FOXP1: variants seen among roughly 807,000 people sequenced by gnomAD.
FOXP1 encodes forkhead box P1.
A neutral mutation model predicts 98.2 loss-of-function variants in FOXP1; 15 were observed. That is an observed-to-expected ratio of 0.15 (90% CI 0.10 to 0.24). FOXP1 has a LOEUF of 0.24. FOXP1 is among the 10% of genes least tolerant of loss of function. The pLI is 1.00. For synonymous variants in FOXP1, 371 were observed against 314.5 expected, an observed-to-expected ratio of 1.18 and a Z score of -1.90; for missense variants, 633 against 848.5, an observed-to-expected ratio of 0.75 and a Z score of 3.15.
intron 6 of FOXP1, among the ~76,000 whole-genome samples, chr3:71,174,827 C>T (rs1327462871): frequency 2.1e-5 from 3 of 142,314 alleles, no homozygotes; most frequent in Admixed American, 7.2e-5. Context: ...CACACACACA[C>T]CCCAATATAC....
At chr3:71,404,879 C>A (rs917276350) in intron 3 of FOXP1, among the ~76,000 whole-genome samples, 1 of 152,152 alleles carries the variant, frequency 6.6e-6, no homozygotes, top group Non-Finnish European at 1.5e-5. Context: ...GGCAAGCAGC[C>A]TATAACTATT....
chr3:71,367,388 T>C (rs182650099), intron 3 of FOXP1, among the ~76,000 whole-genome samples: 5 of 152,346 alleles, frequency 3.3e-5, no homozygotes, highest in Admixed American at 2.0e-4. Flanking sequence ...TTCCCAGTAG[T>C]GTCAGAACAG....
intron 5 of FOXP1, among the ~76,000 whole-genome samples, chr3:71,225,027 C>T (rs767840397): frequency 1.3e-5 from 2 of 152,146 alleles, no homozygotes; most frequent in African/African-American, 2.4e-5. Context: ...TAAAACACAG[C>T]CACCTTCAAA....
rs551513895 is a variant in FOXP1, at chr3:71,452,003, A to G, written c.-168+41423T>C. Reference sequence around the variant, plus strand: ...CAAGAAAAAGAAACCTGCCTCTCTCATTTATGAAGACATGCATCTCCTGTG... The same window carrying G: ...CAAGAAAAAGAAACCTGCCTCTCTCGTTTATGAAGACATGCATCTCCTGTG... On this transcript the variant is annotated intron_variant, in intron 3 of 20. Coordinates refer to ENST00000649528, the MANE Select transcript of FOXP1 (RefSeq NM_001349338.3). Among the ~76,000 whole-genome samples, 22 of 152,280 alleles carry G rather than the reference A, an allele frequency of 1.4e-4. 1 individual carries two copies. Among genetic ancestry groups the G allele is most frequent in the African/African-American group, 5.1e-4 (21 of 41,560 alleles).
chr3:71,217,295 A>T (rs1173753481), intron 5 of FOXP1, among the ~76,000 whole-genome samples: 1 of 151,616 alleles, frequency 6.6e-6, no homozygotes, highest in Non-Finnish European at 1.5e-5. Flanking sequence ...TTGGTCTGGA[A>T]CTCCTAACCT....
chr3:71,303,755 G>A (rs1295239088), intron 4 of FOXP1, among the ~76,000 whole-genome samples: 1 of 151,846 alleles, frequency 6.6e-6, no homozygotes, highest in Non-Finnish European at 1.5e-5. Flanking sequence ...AAAAAAAGTG[G>A]GGAAGGTGGG....
At chr3:71,119,302 G>C (rs1180098482) in intron 6 of FOXP1, among the ~76,000 whole-genome samples, 3 of 152,182 alleles carry the variant, frequency 2.0e-5, no homozygotes, top group Non-Finnish European at 4.4e-5. Context: ...GTGCCTTATT[G>C]GTGGCCAGTC....
intron 4 of FOXP1, among the ~76,000 whole-genome samples, chr3:71,347,855 G>A (rs376426826): frequency 1.3e-5 from 2 of 150,016 alleles, no homozygotes; most frequent in South Asian, 4.3e-4. Flanking sequence ...ACCGAACTCC[G>A]GCTCAGCAAC....
intron 3 of FOXP1, among the ~76,000 whole-genome samples, chr3:71,413,477 T>A (rs2082960022): frequency 6.6e-6 from 1 of 152,076 alleles, no homozygotes; most frequent in Non-Finnish European, 1.5e-5. Context: ...CTTGTTTAAT[T>A]TCTGTCTTTT....
At chr3:71,417,479 G>T (rs2083302953) in intron 3 of FOXP1, among the ~76,000 whole-genome samples, 1 of 152,120 alleles carries the variant, frequency 6.6e-6, no homozygotes, top group Admixed American at 6.6e-5. Flanking sequence ...AGATGCTAAG[G>T]ATGGCAGAGA....
At chr3:71,539,447 G>A (rs2044615306) in intron 2 of FOXP1, among the ~76,000 whole-genome samples, 1 of 150,938 alleles carries the variant, frequency 6.6e-6, no homozygotes, top group Admixed American at 6.6e-5. Flanking sequence ...AAGTGTTTTG[G>A]CTATTCTGGC....
At chr3:71,166,750 C>T (rs1256585806) in intron 6 of FOXP1, among the ~76,000 whole-genome samples, 1 of 152,122 alleles carries the variant, frequency 6.6e-6, no homozygotes, top group East Asian at 1.9e-4. Flanking sequence ...TCTAAACACA[C>T]AGAAAATACT....
At chr3:71,415,964 G>A (rs375295434) in intron 3 of FOXP1, among the ~76,000 whole-genome samples, 88 of 152,196 alleles carry the variant, frequency 5.8e-4, no homozygotes, top group African/African-American at 2.0e-3. Context: ...TAGAAATCTG[G>A]GACTTCGGCA....
chr3:70,989,288 C>A (rs1459291476), intron 13 of FOXP1, among the ~76,000 whole-genome samples: 1 of 146,476 alleles, frequency 6.8e-6, no homozygotes, highest in African/African-American at 2.6e-5. Context: ...AGTCTCCAGC[C>A]ATATCACATT....
At chr3:71,564,963 A>G (rs2046800656) in intron 2 of FOXP1, among the ~76,000 whole-genome samples, 1 of 152,066 alleles carries the variant, frequency 6.6e-6, no homozygotes, top group Non-Finnish European at 1.5e-5. Context: ...AAAAATACAA[A>G]AATTAGCAGG....
At chr3:70,971,957 G>A (rs1395852210) in intron 18 of FOXP1, 3 of 1,338,350 alleles carry the variant, frequency 2.2e-6, no homozygotes, top group African/African-American at 3.0e-5. Flanking sequence ...AGTCAACCAT[G>A]CAAAGCCAAA....
chr3:71,583,051 G>A (rs2048315122), intron 1 of FOXP1, among the ~76,000 whole-genome samples: 1 of 151,424 alleles, frequency 6.6e-6, no homozygotes, highest in African/African-American at 2.4e-5. Flanking sequence ...CCCTCCCGCC[G>A]CGGCCAGGAC....
At chr3:71,143,516 C>A (rs770565501) in intron 6 of FOXP1, among the ~76,000 whole-genome samples, 2 of 152,202 alleles carry the variant, frequency 1.3e-5, no homozygotes, top group African/African-American at 4.8e-5. Context: ...TCGAACCACA[C>A]TGCACCACAG....
intron 6 of FOXP1, among the ~76,000 whole-genome samples, chr3:71,121,592 C>G (rs1043076769): frequency 1.3e-5 from 2 of 152,188 alleles, no homozygotes; most frequent in South Asian, 4.1e-4. Context: ...CGCTGAATCA[C>G]TACACCAAGT....
Sources: gnomAD v4.1 joint callset for allele counts (sites outside exome capture counted in the v4.1 genomes callset) on GRCh38, gnomAD v4.1.1 for gene constraint, MANE v1.5 for transcripts, NCBI Gene and HGNC (gene_info 2026-07-23, HGNC 2026-07-21) for gene names.